The following TTC39A variants were observed in gnomAD, a reference collection of about 807,000 sequenced individuals.
TTC39A encodes the protein tetratricopeptide repeat protein 39A.
In TTC39A, 46 loss-of-function variants were observed where a neutral mutation model predicts 82.3. The observed-to-expected ratio is 0.56, with a 90% confidence interval of 0.44 to 0.71. TTC39A has a LOEUF of 0.71. TTC39A is among the 30% of genes least tolerant of loss of function. TTC39A has a pLI of 0.00. For missense variants in TTC39A, 543 were observed against 712.9 expected, an observed-to-expected ratio of 0.76 and a Z score of 2.71; for synonymous variants, 254 against 275.2, an observed-to-expected ratio of 0.92 and a Z score of 0.76.
rs1301712323 is a variant in TTC39A, at chr1:51,311,391, C to T, written c.356-70G>A. The T allele has an allele frequency of 3.5e-6, 5 of 1,419,720 alleles. No homozygotes were observed. In the Admixed American group the frequency reaches 6.5e-5, roughly 19 times the overall value. 87.9% of individuals were successfully genotyped at this position (1,419,720 alleles called of 1,614,324 possible). A position where few individuals can be genotyped will look rare whatever the true frequency, so the allele number is the denominator to read the frequency against. Reference sequence around the variant, plus strand: ...TCAGGAGGCCTGGGACAAATCCTCACACCCCAACTTCCCCAAAAGCAAAGG... The same window carrying T: ...TCAGGAGGCCTGGGACAAATCCTCATACCCCAACTTCCCCAAAAGCAAAGG... On this transcript the variant is annotated intron_variant, in intron 4 of 17. Transcript: ENST00000680483.
chr1:51,296,195 G>A (rs1270473051), intron 12 of TTC39A, 25 bp from the exon 13 acceptor site: 1 of 1,566,334 alleles, frequency 6.4e-7, no homozygotes, highest in Non-Finnish European at 8.7e-7. Flanking sequence ...GCAACAGCCA[G>A]GTGTGAGCAG....
chr1:51,341,530 C>A (rs1646037142), intron 1 of TTC39A, among the ~76,000 whole-genome samples: 1 of 152,104 alleles, frequency 6.6e-6, no homozygotes, highest in Non-Finnish European at 1.5e-5. Context: ...AAGTTTGAAC[C>A]CCTCCATAAC....
At position 51,341,497 on chromosome 1, in the gene TTC39A, C is replaced by A. The variant is rs546823869; in HGVS notation, c.53+3494G>T. ...CAACCCAAATCTATTTCTCAATGAC[C>A]CCCAAAAGGACCTAAATGTTCCAAG... On this transcript the variant is annotated intron_variant, in intron 1 of 5. Coordinates refer to the TTC39A transcript ENST00000401051. Among the ~76,000 whole-genome samples, 19 of 152,190 alleles carry A rather than the reference C, an allele frequency of 1.2e-4. No homozygotes were observed. The South Asian group carries it at 3.1e-3, about 25-fold the overall frequency.
chr1:51,330,639 T>TCC, upstream of TTC39A: 2 of 982,598 alleles, frequency 2.0e-6, no homozygotes, highest in Non-Finnish European at 2.4e-6. The surrounding 1 kb of genome is among the most constrained non-coding windows in gnomAD (Gnocchi z 4.5). Context: ...AGCCTCGGTC[T>TCC]CCCCACCCGC....
chr1:51,322,210 C>T (rs1185662175), intron 1 of TTC39A: 1 of 1,524,904 alleles, frequency 6.6e-7, no homozygotes, highest in South Asian at 1.3e-5. Context: ...CTAAATCCCA[C>T]AGCCCCTTTT....
At chr1:51,318,305 G>T (rs1645369720) in intron 2 of TTC39A, among the ~76,000 whole-genome samples, 1 of 152,174 alleles carries the variant, frequency 6.6e-6, no homozygotes. Flanking sequence ...AGCAGGAGCT[G>T]GAGAGCCTTC....
At chr1:51,291,789 G>C (rs144899654) in intron 14 of TTC39A, among the ~76,000 whole-genome samples, 2,922 of 151,034 alleles carry the variant, frequency 0.019, 86 homozygotes, top group African/African-American at 0.066. Flanking sequence ...CTGGGTGACA[G>C]AGTGAGATTC....
chr1:51,340,698 C>T (rs779364881), intron 1 of TTC39A, among the ~76,000 whole-genome samples: 2 of 152,198 alleles, frequency 1.3e-5, no homozygotes, highest in Admixed American at 6.5e-5. Context: ...TCATCACTCG[C>T]GCTGGTATAG....
chr1:51,302,818 G>A (rs1280404235), intron 9 of TTC39A, among the ~76,000 whole-genome samples: 1 of 152,174 alleles, frequency 6.6e-6, no homozygotes, highest in Non-Finnish European at 1.5e-5. Flanking sequence ...ACCATAAGGT[G>A]CTGTACACAG....
At chr1:51,302,622 C>T in intron 9 of TTC39A, 49 bp from the exon 10 acceptor site, 1 of 1,558,404 alleles carries the variant, frequency 6.4e-7, no homozygotes, top group South Asian at 1.2e-5. Flanking sequence ...ACCCCTGGCT[C>T]CTGTGATCCT....
rs1645754093 is a variant in TTC39A, at chr1:51,327,452, T to TA, written c.41+2984dup. Among the ~76,000 whole-genome samples the TA allele has an allele frequency of 3.9e-5, 6 of 152,310 alleles. No homozygotes were observed. In the South Asian group the frequency reaches 1.2e-3, roughly 32 times the overall value. ...TGTCACGGAGTGATGTAGCATGACC[T>TA]AATGCAGTGTGGCCTGCAAGAGTTC... On this transcript the variant is annotated intron_variant, in intron 1 of 17. Transcript: ENST00000680483.
chr1:51,303,203 G>T lies in TTC39A; in HGVS notation c.655-11C>A. The T allele has an allele frequency of 6.5e-6, 10 of 1,536,116 alleles. No homozygotes were observed. The highest frequency in any genetic ancestry group is 1.2e-5 in the South Asian group (1 of 83,634). ...CAGCAGCCCATAGTCCTGAGGGGAT[G>T]GGAGGGTGGGTGAGGCTCCCAGAGA... is the stretch of plus-strand genomic sequence containing the variant. On this transcript the variant is annotated splice_polypyrimidine_tract_variant and intron_variant, in intron 8 of 17. Coordinates refer to ENST00000680483, the MANE Select transcript of TTC39A (RefSeq NM_001297663.2).
At chr1:51,306,112 C>CGGGG in intron 6 of TTC39A, 36 bp from the exon 7 acceptor site, 1 of 1,208,224 alleles carries the variant, frequency 8.3e-7, no homozygotes, top group Non-Finnish European at 1.2e-6. Context: ...TCAGCCACTG[C>CGGGG]TGGGGGTGGG....
chr1:51,309,227 G>T, intron 6 of TTC39A, 34 bp downstream of exon 6: 2 of 1,577,798 alleles, frequency 1.3e-6, no homozygotes, highest in Admixed American at 1.8e-5. Context: ...GTGGCCCAGG[G>T]TCTCCCCACA....
upstream of TTC39A, chr1:51,334,673 A>G (rs1210615573): frequency 6.6e-6 from 1 of 152,382 alleles, no homozygotes; most frequent in Non-Finnish European, 1.5e-5. Flanking sequence ...AAAAAGAAAG[A>G]AAATAGCAGA....
Position 51,330,307 on chromosome 1 carries a change from G to C in TTC39A, c.41+130C>G. The C allele has an allele frequency of 4.3e-6, 4 of 928,746 alleles. No homozygotes were observed. The highest frequency in any genetic ancestry group is 5.1e-6 in the Non-Finnish European group (4 of 779,118). 57.5% of individuals were successfully genotyped at this position (928,746 alleles called of 1,614,324 possible). ...GGCGGCGGCTGCCAGGGGCCGGGCG[G>C]GGTGGGGGCTGGAAGCCGCAGTGCG... On this transcript the variant is annotated intron_variant, in intron 1 of 17. Coordinates refer to ENST00000680483, the MANE Select transcript of TTC39A (RefSeq NM_001297663.2). This position sits in a 1 kb window ranked among gnomAD's most constrained non-coding sequence, Gnocchi z 4.5.
chr1:51,310,850 T>C (rs1645055168), intron 5 of TTC39A, among the ~76,000 whole-genome samples: 1 of 152,254 alleles, frequency 6.6e-6, no homozygotes, highest in Non-Finnish European at 1.5e-5. Context: ...CTGTAATGTG[T>C]GTAAGGTATG....
At chr1:51,304,207 T>C (rs1644786954) in intron 8 of TTC39A, among the ~76,000 whole-genome samples, 2 of 152,234 alleles carry the variant, frequency 1.3e-5, no homozygotes, top group Admixed American at 1.3e-4. Flanking sequence ...GTGGTATTTA[T>C]TTTTATGATT....
chr1:51,320,871 GT>G lies in TTC39A; in HGVS notation c.146+849del, dbSNP rs770160259. Among the ~76,000 whole-genome samples, 325 of 126,744 alleles carry G rather than the reference GT, an allele frequency of 2.6e-3. 1 individual carries two copies. In the East Asian group the frequency reaches 0.026, roughly 10 times the overall value. 83.1% of individuals were successfully genotyped at this position (126,744 alleles called of 152,430 possible). ...CTCATCTATCAGTAGATGTTTTCTG[GT>G]TTTTTTTTTTTTTTTTTTGAGACAG... On this transcript the variant is annotated intron_variant, in intron 2 of 17. Transcript: ENST00000680483.
Sources: allele counts gnomAD v4.1 joint callset (sites outside exome capture counted in the v4.1 genomes callset), GRCh38; gene constraint gnomAD v4.1.1; non-coding constraint Gnocchi (gnomAD v3.1); transcripts MANE v1.5; gene names NCBI Gene and HGNC (gene_info 2026-07-23, HGNC 2026-07-21).